ZNF132: variants seen among roughly 807,000 people sequenced by gnomAD.
ZNF132 encodes zinc finger protein 132 (clone pHZ-12).
ZNF132 carries 6 observed loss-of-function variants against 9.3 expected under a neutral mutation model. That is an observed-to-expected ratio of 0.65 (90% CI 0.35 to 1.28). The LOEUF (loss-of-function observed/expected upper bound fraction) is 1.28, where lower values mean the gene tolerates loss of function less well. Among genes scored for constraint, ZNF132 ranks in the 50% most tolerant of loss-of-function variants. The pLI is 0.03. For synonymous variants in ZNF132, 296 were observed against 292.0 expected (o/e 1.01, Z -0.14); for missense variants, 877 against 843.2 (o/e 1.04, Z -0.50).
At position 58,433,195 on chromosome 19, in the gene ZNF132, A is replaced by T; in HGVS notation, c.*128T>A. On this transcript the variant is annotated 3_prime_UTR_variant, in exon 3 of 3. Transcript: ENST00000254166. The stretch of plus-strand genomic sequence containing the variant: ...AGGTTCCTGGGCTGGTCAGAAACAG[A>T]GTAGCTTCTGAAGGCTTTTCCACAT... The T allele has an allele frequency of 4.1e-6, 4 of 986,978 alleles. No homozygotes were observed. The South Asian group carries it at 6.6e-5, about 16-fold the overall frequency. The allele number at this position is 986,978 out of a possible 1,614,324, so 61.1% of individuals were successfully genotyped here.
chr19:58,439,668 T>A, intron 1 of ZNF132, 91 bp downstream of exon 1: 1 of 1,362,152 alleles, frequency 7.3e-7, no homozygotes, highest in Non-Finnish European at 9.8e-7. Context: ...CGATCAAGAG[T>A]CCCAGGACAC....
rs751242575 is a variant in ZNF132 at position 58,434,207 on chromosome 19, TGAA to T, written c.1234_1236del (p.Phe412del). ...TGCTGAATGAGAGCAGAGCTTCGGC[TGAA>T]GGATTTACCACATTGACTGCACTCA... On this transcript the variant is annotated inframe_deletion, in exon 3 of 3. Coordinates refer to ENST00000254166, the MANE Select transcript of ZNF132 (RefSeq NM_003433.4). 49 of 1,614,216 alleles carry T rather than the reference TGAA, an allele frequency of 3.0e-5. No individual in the cohort carries two copies. The highest frequency in any genetic ancestry group is 4.0e-5 in the African/African-American group (3 of 75,058).
intron 1 of ZNF132, among the ~76,000 whole-genome samples, chr19:58,438,368 T>A (rs576000567): frequency 1.3e-5 from 2 of 152,300 alleles, no homozygotes; most frequent in Admixed American, 1.3e-4. Context: ...AATTTGGTAG[T>A]GTCTGGGACA....
chr19:58,434,543 T>TAAAG lies in ZNF132; in HGVS notation c.897_900dup (p.Ser301LeufsTer2). 1 of 1,614,212 alleles carries TAAAG rather than the reference T, an allele frequency of 6.2e-7. No individual in the cohort carries two copies. The highest frequency in any genetic ancestry group is 2.2e-5 in the East Asian group (1 of 44,894). On this transcript the variant is annotated frameshift_variant, in exon 3 of 3. Coordinates refer to ENST00000254166, the MANE Select transcript of ZNF132 (RefSeq NM_003433.4). LOFTEE classifies it low-confidence loss of function (END_TRUNC). ...TGCTTCCTCAGCTTAGATGAGTGAC[T>TAAAG]AAAGGCCTTCCCACACTCCTTACAC...
In ZNF132 at chr19:58,435,078, G is replaced by C. The variant is rs755045235; in HGVS notation, c.366C>G (p.Phe122Leu). The C allele has an allele frequency of 3.8e-5, 61 of 1,614,000 alleles. No homozygotes were observed. The highest frequency in any genetic ancestry group is 4.9e-5 in the Non-Finnish European group (58 of 1,180,030). ...KANSCDMCGP[F>L]LKDILHLAEH... ...CAGCCAGGTGCAAAATGTCTTTCAA[G>C]AATGGCCCACACATGTCACAGGAGT... Residue 122 changes from phenylalanine to leucine, a missense_variant, in exon 3 of 3, where the codon TTC becomes TTG. By Grantham distance (22) the Phe-to-Leu change is conservative. Coordinates refer to ENST00000254166, the MANE Select transcript of ZNF132 (RefSeq NM_003433.4).
In ZNF132 at chr19:58,434,873, G is replaced by T. The variant is rs140555846; in HGVS notation, c.571C>A (p.Pro191Thr). ...KSSKVHLSEN[P>T]FTCREGGKVI... ...TTCCCACCTTCCCTGCAAGTGAAGGGGTTCTCTGACAGGTGGACTTTAGAG... is the reference window on the plus strand; with the variant it reads ...TTCCCACCTTCCCTGCAAGTGAAGGTGTTCTCTGACAGGTGGACTTTAGAG... The change falls in exon 3 of 3, where the codon CCC becomes ACC. Residue 191 changes from proline (P) to threonine (T), a missense_variant. Physicochemically the swap from Pro to Thr is conservative, Grantham distance 38. Transcript: ENST00000254166. 4.8e-5 allele frequency: 77 copies of T among 1,614,038 alleles called. 1 individual carries two copies. The African/African-American group carries it at 9.9e-4, about 21-fold the overall frequency.
At position 58,434,758 on chromosome 19, in the gene ZNF132, A is replaced by G; in HGVS notation, c.686T>C (p.Val229Ala). The G allele has an allele frequency of 6.2e-7, 1 of 1,614,184 alleles. No individual in the cohort carries two copies. Among genetic ancestry groups the G allele is most frequent in the Middle Eastern group, 1.6e-4 (1 of 6,062 alleles). ...PYSNLGQLPE[V>A]CTTQKLFECS... is the part of the protein sequence containing the mutation. ...CTCGAAGAGTTTCTGTGTGGTACAGACTTCTGGAAGCTGCCCAAGATTGGA... is the reference window on the plus strand; with the variant it reads ...CTCGAAGAGTTTCTGTGTGGTACAGGCTTCTGGAAGCTGCCCAAGATTGGA... The change falls in exon 3 of 3, where the codon GTC becomes GCC. Residue 229 changes from valine (V) to alanine (A), a missense_variant. By Grantham distance (64) the Val-to-Ala change is moderately conservative. Coordinates refer to ENST00000254166, the MANE Select transcript of ZNF132 (RefSeq NM_003433.4).
Position 58,434,925 on chromosome 19 carries a change from G to A in ZNF132, c.519C>T (p.Tyr173=). The A allele has an allele frequency of 1.2e-6, 2 of 1,614,138 alleles. No individual in the cohort carries two copies. The highest frequency in any genetic ancestry group is 1.7e-6 in the Non-Finnish European group (2 of 1,180,016). ...TCTTCATAAGTGCGTCCCTGTCCTT[G>A]TACCATCTAAAGGGCTTCCCTCCAC... ...EHSGGKPFRW[Y]KDRDALMKSS... Residue 173 remains tyrosine, a synonymous_variant, in exon 3 of 3, where the codon TAC becomes TAT. Transcript: ENST00000254166.
chr19:58,438,111 G>A lies in ZNF132; in HGVS notation c.64-896C>T, dbSNP rs184468306. On this transcript the variant is annotated intron_variant, in intron 1 of 2. Coordinates refer to ENST00000254166, the MANE Select transcript of ZNF132 (RefSeq NM_003433.4). Reference sequence around the variant, plus strand: ...TGCCCTGACCACAAGAAGGATGGCCGCAACAATGTAGTGAGCTGTAGAGAA... The same window carrying A: ...TGCCCTGACCACAAGAAGGATGGCCACAACAATGTAGTGAGCTGTAGAGAA... 7.7e-4 allele frequency among the ~76,000 whole-genome samples: 118 copies of A among 152,282 alleles called. 1 individual carries two copies. Among genetic ancestry groups the A allele is most frequent in the Non-Finnish European group, 9.4e-4 (64 of 68,026 alleles).
rs150896251 is a variant in ZNF132, at chr19:58,433,555, C to T, written c.1889G>A (p.Ser630Asn). The change falls in exon 3 of 3, where the codon AGT becomes AAT. Residue 630 changes from serine to asparagine, a missense_variant. Physicochemically the swap from Ser to Asn is conservative, Grantham distance 46 (BLOSUM62 1). Transcript: ENST00000254166. ...VHTGERPYEC[S>N]ECGRAFSSNS... ...ACTGCTAAAGGCTCTCCCACATTCA[C>T]TGCATTCGTAAGGCCTTTCTCCAGT... 2.8e-5 allele frequency: 46 copies of T among 1,614,114 alleles called. No individual in the cohort carries two copies. The African/African-American group carries it at 6.1e-4, about 22-fold the overall frequency.
At chr19:58,437,741 G>A (rs138068254) in intron 1 of ZNF132, 14,074 of 985,304 alleles carry the variant, frequency 0.014, 125 homozygotes, top group Non-Finnish European at 0.016. Flanking sequence ...AGATGCAACC[G>A]GGATCCATTC....
In ZNF132 at chr19:58,433,011, G is replaced by GCCTAACCCTCTC; in HGVS notation, c.*311_*312insGAGAGGGTTAGG. 3.1e-6 allele frequency: 1 copy of GCCTAACCCTCTC among 320,440 alleles called. No individual in the cohort carries two copies. Among genetic ancestry groups the GCCTAACCCTCTC allele is most frequent in the Non-Finnish European group, 5.6e-6 (1 of 179,318 alleles). The allele number at this position is 320,440 out of a possible 1,614,324, so 19.8% of individuals were successfully genotyped here. The stretch of plus-strand genomic sequence containing the variant: ...CCCCTCAACCAGCATCGGTTCAGCT[G>GCCTAACCCTCTC]AGCACAGTCCTGAATCCCTAGAGAA... On this transcript the variant is annotated 3_prime_UTR_variant, in exon 3 of 3. Coordinates refer to ENST00000254166, the MANE Select transcript of ZNF132 (RefSeq NM_003433.4).
At position 58,435,100 on chromosome 19, in the gene ZNF132, G is replaced by C. The variant is rs769736890; in HGVS notation, c.344C>G (p.Ser115Cys). ...CAAGAATGGCCCACACATGTCACAG[G>C]AGTTAGCTTTCTTGGTGGAAGGATC... ...NADPSTKKAN[S>C]CDMCGPFLKD... The change falls in exon 3 of 3, where the codon TCC (serine) becomes TGC (cysteine). Residue 115 changes from serine (S) to cysteine (C), a missense_variant. Coordinates refer to ENST00000254166, the MANE Select transcript of ZNF132 (RefSeq NM_003433.4). 4 of 1,614,198 alleles carry C rather than the reference G, an allele frequency of 2.5e-6. No homozygotes were observed. Among genetic ancestry groups the C allele is most frequent in the Non-Finnish European group, 1.7e-6 (2 of 1,180,036 alleles).
Position 58,434,132 on chromosome 19 carries a change from T to C in ZNF132, c.1312A>G (p.Arg438Gly). ...AGGTTGGAGTTATTGTTAAAAGCTC[T>C]TCCACATTCACTGCATTCATACGGT... Reference protein sequence around the residue: ...ERPYECSECGRAFNNNSNLAQ... With the variant: ...ERPYECSECGGAFNNNSNLAQ... Residue 438 changes from arginine (R) to glycine (G), a missense_variant, in exon 3 of 3, where the codon AGA becomes GGA. Physicochemically the swap from Arg to Gly is moderately radical, Grantham distance 125. Transcript: ENST00000254166. The C allele has an allele frequency of 6.2e-7, 1 of 1,614,100 alleles. No individual in the cohort carries two copies. The highest frequency in any genetic ancestry group is 8.5e-7 in the Non-Finnish European group (1 of 1,180,026).
chr19:58,439,608 G>A, intron 1 of ZNF132, 151 bp downstream of exon 1: 1 of 734,200 alleles, frequency 1.4e-6, no homozygotes, highest in East Asian at 3.4e-5. Context: ...GATGGTAAGG[G>A]TAAGTGACTC....
Position 58,433,676 on chromosome 19 carries a change from G to A in ZNF132, c.1768C>T (p.Gln590Ter). ...GGCTTTTCTCCAGTATGAACTTTCTGATGCTTAATGAGAATGGAGTTTTGG... is the reference window on the plus strand; with the variant it reads ...GGCTTTTCTCCAGTATGAACTTTCTAATGCTTAATGAGAATGGAGTTTTGG... The part of the protein sequence containing the change: ...FSQNSILIKH[Q>*]KVHTGEKPYK... Residue 590 changes from glutamine (Q) to a stop codon, truncating the protein, a stop_gained, in exon 3 of 3, where the codon CAG (glutamine) becomes TAG (stop). Transcript: ENST00000254166. LOFTEE classifies it low-confidence loss of function (END_TRUNC). The A allele has an allele frequency of 1.2e-6, 2 of 1,614,008 alleles. No individual in the cohort carries two copies. Among genetic ancestry groups the A allele is most frequent in the Non-Finnish European group, 1.7e-6 (2 of 1,179,950 alleles).
rs774844720 is a variant in ZNF132, at chr19:58,435,035, A to G, written c.409T>C (p.Ser137Pro). 1.7e-5 allele frequency: 27 copies of G among 1,614,046 alleles called. No individual in the cohort carries two copies. Among genetic ancestry groups the G allele is most frequent in the Non-Finnish European group, 2.3e-5 (27 of 1,180,014 alleles). The change falls in exon 3 of 3, where the codon TCT (serine) becomes CCT (proline). Residue 137 changes from serine (S) to proline (P), a missense_variant. Ser to Pro is a moderately conservative substitution (Grantham distance 74, BLOSUM62 -1). Coordinates refer to ENST00000254166, the MANE Select transcript of ZNF132 (RefSeq NM_003433.4). ...CCACATGTGTAGGGTTTCTCCTCAG[A>G]CTGTGTTCCCTGATGCTCAGCCAGG... ...LHLAEHQGTQSEEKPYTCGAC... is the reference protein window; with the variant it reads ...LHLAEHQGTQPEEKPYTCGAC...
rs1282714865 is a variant in ZNF132, at chr19:58,439,871, C to T, written c.-50G>A. 6.6e-6 allele frequency: 10 copies of T among 1,524,250 alleles called. No homozygotes were observed. In the Admixed American group the frequency reaches 1.5e-4, roughly 23 times the overall value. 94.4% of individuals were successfully genotyped at this position (1,524,250 alleles called of 1,614,324 possible). The stretch of plus-strand genomic sequence containing the variant: ...GCCGCTGGGCCGAACCCTCACACTT[C>T]CGCTGGGTGACGGTCGCACTCAGGA... On this transcript the variant is annotated 5_prime_UTR_variant, in exon 1 of 3. Coordinates refer to ENST00000254166, the MANE Select transcript of ZNF132 (RefSeq NM_003433.4).
Position 58,433,564 on chromosome 19 carries a change from T to C in ZNF132, c.1880A>G (p.Tyr627Cys), listed in dbSNP as rs1568596453. 1 of 1,614,214 alleles carries C rather than the reference T, an allele frequency of 6.2e-7. No individual in the cohort carries two copies. Residue 627 changes from tyrosine (Y) to cysteine (C), a missense_variant, in exon 3 of 3, where the codon TAC (tyrosine) becomes TGC (cysteine). Tyr to Cys is a radical substitution (Grantham distance 194). Transcript: ENST00000254166. ...GGCTCTCCCACATTCACTGCATTCG[T>C]AAGGCCTTTCTCCAGTGTGAACTCT... ...HWRVHTGERP[Y>C]ECSECGRAFS... is the part of the protein sequence containing the mutation.
Sources: allele counts gnomAD v4.1 joint callset (sites outside exome capture counted in the v4.1 genomes callset), GRCh38; gene constraint gnomAD v4.1.1; transcripts MANE v1.5; gene names NCBI Gene and HGNC (gene_info 2026-07-23, HGNC 2026-07-21).